The following RNF170 variants were observed in gnomAD, a reference collection of about 807,000 sequenced individuals.
The protein encoded by RNF170 is E3 ubiquitin-protein ligase RNF170.
A neutral mutation model predicts 32.7 loss-of-function variants in RNF170; 12 were observed. The ratio of observed to expected loss-of-function variants is 0.37; its 90% CI spans 0.24 to 0.60. The LOEUF (loss-of-function observed/expected upper bound fraction) is 0.60. Ranked by LOEUF, RNF170 falls within the 20% of genes least tolerant of loss-of-function variation. RNF170 has a pLI of 0.72. For synonymous variants in RNF170, 91 were observed against 103.6 expected (o/e 0.88, Z 0.74); for missense variants, 212 against 311.2 (o/e 0.68, Z 2.40).
intron 2 of RNF170, among the ~76,000 whole-genome samples, chr8:42,884,656 T>C (rs1805663012): frequency 6.6e-6 from 1 of 151,996 alleles, no homozygotes; most frequent in African/African-American, 2.4e-5. Context: ...AAGTAGCCTA[T>C]ACAGTTTTCA....
chr8:42,857,954 G>A (rs1348875331), intron 6 of RNF170, among the ~76,000 whole-genome samples: 1 of 152,180 alleles, frequency 6.6e-6, no homozygotes, highest in Admixed American at 6.5e-5. Flanking sequence ...AGAACTGTTT[G>A]AACCCAGGAG....
intron 6 of RNF170, among the ~76,000 whole-genome samples, chr8:42,858,998 C>T (rs1201874867): frequency 2.0e-5 from 3 of 152,018 alleles, no homozygotes; most frequent in African/African-American, 7.2e-5. Flanking sequence ...GCCTGGCCAA[C>T]ATGGCGAAAC....
intron 5 of RNF170, among the ~76,000 whole-genome samples, chr8:42,864,991 T>C (rs1803975165): frequency 6.6e-6 from 1 of 151,226 alleles, no homozygotes; most frequent in African/African-American, 2.4e-5. Flanking sequence ...GCGTGGTATC[T>C]CATGCCTGTA....
At chr8:42,879,824 G>A (rs1805241348) in intron 2 of RNF170, among the ~76,000 whole-genome samples, 2 of 151,938 alleles carry the variant, frequency 1.3e-5, no homozygotes, top group South Asian at 2.1e-4. Flanking sequence ...ACAGGTGTGT[G>A]CCACCGTGCC....
chr8:42,854,940 GA>G lies in RNF170; in HGVS notation c.*1218del, dbSNP rs749314785. Reference sequence around the variant, plus strand: ...AGTATTATAAAAATTTCTGACAACAGAAAACTAACAAAATTTGTCCAATCTG... The same window carrying G: ...AGTATTATAAAAATTTCTGACAACAGAAACTAACAAAATTTGTCCAATCTG... On this transcript the variant is annotated 3_prime_UTR_variant, in exon 7 of 7. Transcript: ENST00000527424. The G allele has an allele frequency of 8.5e-6, 11 of 1,287,186 alleles. No individual in the cohort carries two copies. In the South Asian group the frequency reaches 1.4e-4, roughly 16 times the overall value. The allele number at this position is 1,287,186 out of a possible 1,614,324, so 79.7% of individuals were successfully genotyped here.
Position 42,853,328 on chromosome 8 carries a change from A to C in RNF170, c.*2831T>G. 8.2e-7 allele frequency: 1 copy of C among 1,214,076 alleles called. No homozygotes were observed. Among genetic ancestry groups the C allele is most frequent in the South Asian group, 1.4e-5 (1 of 70,426 alleles). 75.2% of individuals were successfully genotyped at this position (1,214,076 alleles called of 1,614,324 possible). A position where few individuals can be genotyped will look rare whatever the true frequency, so the allele number is the denominator to read the frequency against. On this transcript the variant is annotated 3_prime_UTR_variant, in exon 7 of 7. Transcript: ENST00000527424. ...TTTTAGATATGTTGCTTTTATTCAA[A>C]AGAATAAAATGCTTGACAAACTCTT...
At chr8:42,874,061 T>A in intron 2 of RNF170, 55 bp from the exon 3 acceptor site, 1 of 1,041,820 alleles carries the variant, frequency 9.6e-7, no homozygotes, top group Non-Finnish European at 1.5e-6. Context: ...TATGAATCCA[T>A]TTTCTTCATG....
At chr8:42,887,635 C>T in intron 2 of RNF170, 93 bp downstream of exon 2, 1 of 1,139,834 alleles carries the variant, frequency 8.8e-7, no homozygotes, top group Non-Finnish European at 1.3e-6. Flanking sequence ...AGATCTGTTA[C>T]TTGCTGTTCA....
At chr8:42,895,205 C>T (rs1293354849) in intron 1 of RNF170, among the ~76,000 whole-genome samples, 1 of 151,986 alleles carries the variant, frequency 6.6e-6, no homozygotes, top group Non-Finnish European at 1.5e-5. Context: ...GTTCCAGCTA[C>T]TTGGGAGGCT....
At chr8:42,878,524 T>C (rs1017165585) in intron 2 of RNF170, among the ~76,000 whole-genome samples, 1 of 152,230 alleles carries the variant, frequency 6.6e-6, no homozygotes, top group African/African-American at 2.4e-5. Context: ...CCTCCCTCTC[T>C]TCAATTTTGT....
At chr8:42,895,171 T>G (rs868237592) in intron 1 of RNF170, among the ~76,000 whole-genome samples, 3 of 152,058 alleles carry the variant, frequency 2.0e-5, no homozygotes, top group Middle Eastern at 3.4e-3. Flanking sequence ...GAAAATTAGC[T>G]GAGCATCGTG....
rs182921844 is a variant in RNF170 at position 42,862,100 on chromosome 8, A to C, written c.397-245T>G. ...ACTGGCCTAATATTTTCCTGTCCAC[A>C]CCAGGGGTAAATTCCTTAGTTCTCT... On this transcript the variant is annotated intron_variant, in intron 5 of 6. Coordinates refer to ENST00000527424, the MANE Select transcript of RNF170 (RefSeq NM_030954.4). Among the ~76,000 whole-genome samples, 602 of 152,340 alleles carry C rather than the reference A, an allele frequency of 4.0e-3. 2 individuals carry two copies. Among genetic ancestry groups the C allele is most frequent in the Non-Finnish European group, 6.9e-3 (472 of 68,036 alleles).
chr8:42,871,705 G>A (rs1804535860), intron 3 of RNF170, among the ~76,000 whole-genome samples: 1 of 151,982 alleles, frequency 6.6e-6, no homozygotes, highest in Non-Finnish European at 1.5e-5. Context: ...TGGAGTAGCT[G>A]GGATTACAAG....
chr8:42,865,938 T>C (rs571572227), intron 4 of RNF170, among the ~76,000 whole-genome samples: 13 of 152,020 alleles, frequency 8.6e-5, no homozygotes, highest in African/African-American at 3.1e-4. Context: ...TGAGCTGAGA[T>C]CATGTCACTG....
rs937175270 is a variant in RNF170 at position 42,883,850 on chromosome 8, G to C, written c.137+3878C>G. Among the ~76,000 whole-genome samples the C allele has an allele frequency of 2.6e-5, 4 of 152,112 alleles. No homozygotes were observed. The Middle Eastern group carries it at 0.01, about 388-fold the overall frequency. On this transcript the variant is annotated intron_variant, in intron 2 of 6. Transcript: ENST00000527424. ...TAAATAAATTACAAAAAAGAGACTTGTCTGAATTTTAAACTACAAATGCCA... is the reference window on the plus strand; with the variant it reads ...TAAATAAATTACAAAAAAGAGACTTCTCTGAATTTTAAACTACAAATGCCA...
At chr8:42,888,226 T>C (rs1271310492) in intron 1 of RNF170, among the ~76,000 whole-genome samples, 6 of 151,680 alleles carry the variant, frequency 4.0e-5, no homozygotes, top group African/African-American at 7.3e-5. Context: ...CCACTACGCC[T>C]GGCTAATTTT....
Position 42,855,163 on chromosome 8 carries a change from T to A in RNF170, c.*996A>T, listed in dbSNP as rs1185504562. On this transcript the variant is annotated 3_prime_UTR_variant, in exon 7 of 7. Transcript: ENST00000527424. ...TACTTTTATATCTACTACGAAAGGA[T>A]GAGCTCTTGTTTAAATGTCTAACTG... 7.8e-7 allele frequency: 1 copy of A among 1,286,400 alleles called. No homozygotes were observed. Among genetic ancestry groups the A allele is most frequent in the South Asian group, 1.2e-5 (1 of 80,916 alleles). The allele number at this position is 1,286,400 out of a possible 1,614,324, so 79.7% of individuals were successfully genotyped here. A position where few individuals can be genotyped will look rare whatever the true frequency, so the allele number is the denominator to read the frequency against.
rs180719293 is a variant in RNF170, at chr8:42,863,842, T to C, written c.396+1574A>G. ...TGACCATGTGGCCACAAGTAAAATA[T>C]GAAAGAGGCAGAATTTGGGAATGTA... On this transcript the variant is annotated intron_variant, in intron 5 of 6. Coordinates refer to ENST00000527424, the MANE Select transcript of RNF170 (RefSeq NM_030954.4). Among the ~76,000 whole-genome samples the C allele has an allele frequency of 1.1e-4, 16 of 152,180 alleles. No homozygotes were observed. The East Asian group carries it at 3.1e-3, about 29-fold the overall frequency.
At chr8:42,888,528 T>C in intron 1 of RNF170, among the ~76,000 whole-genome samples, 1 of 151,318 alleles carries the variant, frequency 6.6e-6, no homozygotes, top group East Asian at 2.0e-4. Context: ...TATGGGAGGC[T>C]GAGGCAGGCG....
Sources: allele counts gnomAD v4.1 joint callset (sites outside exome capture counted in the v4.1 genomes callset), GRCh38; gene constraint gnomAD v4.1.1; transcripts MANE v1.5; gene names NCBI Gene and HGNC (gene_info 2026-07-23, HGNC 2026-07-21).